SNX10: variants seen among roughly 807,000 people sequenced by gnomAD.
The protein encoded by SNX10 is sorting nexin-10.
A neutral mutation model predicts 28.5 loss-of-function variants in SNX10; 25 were observed. The ratio of observed to expected loss-of-function variants is 0.88; its 90% confidence interval spans 0.64 to 1.22. The LOEUF (loss-of-function observed/expected upper bound fraction) is 1.22. SNX10 is among the 50% of genes most tolerant of loss of function. SNX10 has a pLI of 0.00. For synonymous variants in SNX10, 62 were observed against 81.4 expected (o/e 0.76, Z 1.28); for missense variants, 223 against 242.6 (o/e 0.92, Z 0.54).
intron 1 of SNX10, among the ~76,000 whole-genome samples, chr7:26,296,221 C>G (rs570624815): frequency 1.3e-5 from 2 of 152,228 alleles, no homozygotes; most frequent in Non-Finnish European, 2.9e-5. Context: ...GGAAGTAAGC[C>G]ATCTCCTGGC....
chr7:26,339,459 G>C (rs13244200), intron 1 of SNX10, among the ~76,000 whole-genome samples: 29,987 of 151,180 alleles, frequency 0.2, 3,567 homozygotes, highest in East Asian at 0.44. Context: ...TTACATGCCA[G>C]GTTGCACAGT....
intron 1 of SNX10, among the ~76,000 whole-genome samples, chr7:26,309,524 T>A (rs973162074): frequency 1.3e-5 from 2 of 152,150 alleles, no homozygotes; most frequent in Admixed American, 6.5e-5. Flanking sequence ...GCCGAGTGAA[T>A]GCACTGCACT....
At chr7:26,347,648 G>A (rs956623008) in intron 2 of SNX10, among the ~76,000 whole-genome samples, 1 of 152,182 alleles carries the variant, frequency 6.6e-6, no homozygotes, top group East Asian at 1.9e-4. Flanking sequence ...TCAGGAGTTC[G>A]AGACCAGCCT....
chr7:26,323,817 G>A (rs1787397586), intron 1 of SNX10, among the ~76,000 whole-genome samples: 3 of 152,178 alleles, frequency 2.0e-5, no homozygotes, highest in Admixed American at 6.5e-5. Context: ...AGTTGGTGAT[G>A]AGATTTAGGA....
chr7:26,354,279 C>G (rs1057419653), intron 2 of SNX10: 1 of 152,024 alleles, frequency 6.6e-6, no homozygotes, highest in African/African-American at 2.4e-5. Flanking sequence ...ATCTGTATGC[C>G]CTATTTGGGT....
At chr7:26,320,558 G>A (rs749410724) in intron 1 of SNX10, among the ~76,000 whole-genome samples, 2 of 151,732 alleles carry the variant, frequency 1.3e-5, no homozygotes, top group Non-Finnish European at 2.9e-5. Context: ...TCAGCCTCCC[G>A]AGTAGCTGGG....
chr7:26,310,849 ATTT>A (rs941135877), intron 1 of SNX10, among the ~76,000 whole-genome samples: 11 of 151,896 alleles, frequency 7.2e-5, no homozygotes, highest in African/African-American at 2.7e-4. Context: ...CGGCTGGCTA[ATTT>A]TTTTGTATTT....
intron 2 of SNX10, chr7:26,357,061 T>G (rs1387125566): frequency 8.1e-7 from 1 of 1,229,854 alleles, no homozygotes; most frequent in East Asian, 5.8e-5. Flanking sequence ...GTATGAGGCA[T>G]TCAAGTCTTA....
chr7:26,343,756 G>T (rs1788267809), intron 1 of SNX10, among the ~76,000 whole-genome samples: 1 of 152,152 alleles, frequency 6.6e-6, no homozygotes, highest in African/African-American at 2.4e-5. Context: ...CTTGGCTCTG[G>T]TGCAGGAATC....
At chr7:26,325,905 T>C (rs916049944) in intron 1 of SNX10, among the ~76,000 whole-genome samples, 2 of 151,806 alleles carry the variant, frequency 1.3e-5, no homozygotes, top group African/African-American at 4.8e-5. Context: ...TTTTTGTATT[T>C]TTAGTAGAGA....
chr7:26,339,452 C>T (rs1788086545), intron 1 of SNX10, among the ~76,000 whole-genome samples: 2 of 151,448 alleles, frequency 1.3e-5, no homozygotes, highest in Non-Finnish European at 2.9e-5. Context: ...AATTTTCTTA[C>T]ATGCCAGGTT....
intron 1 of SNX10, among the ~76,000 whole-genome samples, chr7:26,342,884 G>T (rs895984359): frequency 4.6e-5 from 7 of 152,050 alleles, no homozygotes; most frequent in Non-Finnish European, 8.8e-5. Context: ...ATGGCTCACC[G>T]CAGCGTTGAC....
chr7:26,358,806 T>TTTTTTTTTTTTTTGTTTTTG (rs1788942405), intron 2 of SNX10, among the ~76,000 whole-genome samples: 4 of 52,608 alleles, frequency 7.6e-5, no homozygotes, highest in Non-Finnish European at 1.9e-4. Context: ...TTATCTTGTG[T>TTTTTTTTTTTTTTGTTTTTG]TTTTTTTTTT....
At chr7:26,337,066 A>G (rs946940907) in intron 1 of SNX10, among the ~76,000 whole-genome samples, 16 of 152,194 alleles carry the variant, frequency 1.1e-4, no homozygotes, top group African/African-American at 3.4e-4. Context: ...CATTCCTACC[A>G]ACAGTATTTA....
chr7:26,298,028 C>A (rs201320200), intron 1 of SNX10, among the ~76,000 whole-genome samples: 32 of 152,088 alleles, frequency 2.1e-4, no homozygotes, highest in Non-Finnish European at 4.4e-5. Context: ...GTCAGGAGTT[C>A]GAGACCAGCC....
intron 1 of SNX10, among the ~76,000 whole-genome samples, chr7:26,313,330 C>CT (rs1786928562): frequency 6.6e-6 from 1 of 152,176 alleles, no homozygotes. Flanking sequence ...TACAGCAGAT[C>CT]TTTAGAGCTG....
intron 1 of SNX10, among the ~76,000 whole-genome samples, chr7:26,305,029 C>T (rs1786530854): frequency 6.6e-6 from 1 of 152,080 alleles, no homozygotes; most frequent in African/African-American, 2.4e-5. Context: ...TTCTTTTTTA[C>T]CTTGGTGTCA....
chr7:26,295,433 G>A (rs1021648314), intron 1 of SNX10, among the ~76,000 whole-genome samples: 4 of 152,108 alleles, frequency 2.6e-5, no homozygotes, highest in Non-Finnish European at 5.9e-5. Context: ...AGATTCTTAC[G>A]TGGTCACCCA....
chr7:26,311,896 A>C (rs1041713328), intron 1 of SNX10, among the ~76,000 whole-genome samples: 1 of 152,078 alleles, frequency 6.6e-6, no homozygotes, highest in East Asian at 1.9e-4. Flanking sequence ...TTGTTGAGAG[A>C]GGCAGTGTCG....
Sources: gnomAD v4.1 joint callset for allele counts (sites outside exome capture counted in the v4.1 genomes callset) on GRCh38, gnomAD v4.1.1 for gene constraint, MANE v1.5 for transcripts, NCBI Gene and HGNC (gene_info 2026-07-23, HGNC 2026-07-21) for gene names.